TRMT11: variants seen among roughly 807,000 people sequenced by gnomAD.
The protein encoded by TRMT11 is tRNA methyltransferase 11.
In TRMT11, 53 loss-of-function variants were observed where a neutral mutation model predicts 62.8. The observed-to-expected ratio is 0.84, with a 90% confidence interval of 0.68 to 1.06. TRMT11 has a LOEUF of 1.06. Ranked by LOEUF, TRMT11 falls within the 50% of genes least tolerant of loss-of-function variation. The probability of loss-of-function intolerance (pLI) is 0.00; values close to 1 mark genes in which losing one functional copy is unlikely to be tolerated. For synonymous variants in TRMT11, 188 were observed against 190.3 expected (o/e 0.99, Z 0.10); for missense variants, 556 against 553.4 (o/e 1.00, Z -0.05).
intron 11 of TRMT11, among the ~76,000 whole-genome samples, chr6:126,017,911 C>T (rs540944959): frequency 1.1e-4 from 16 of 152,262 alleles, no homozygotes; most frequent in African/African-American, 3.6e-4. Context: ...GTCATAGGAG[C>T]CAGTGTGCTA....
At chr6:126,242,606 A>G in the TRMT11 span, among the ~76,000 whole-genome samples, 1 of 152,218 alleles carries the variant, frequency 6.6e-6, no homozygotes, top group East Asian at 1.9e-4. Context: ...ATGGAACAGA[A>G]CAGAGCCCTC....
At chr6:126,242,874 G>C in the TRMT11 span, among the ~76,000 whole-genome samples, 1 of 152,144 alleles carries the variant, frequency 6.6e-6, no homozygotes, top group Non-Finnish European at 1.5e-5. Flanking sequence ...ATAGGCATGG[G>C]CAAGGACTTC....
At chr6:126,159,231 A>T (rs1294613409) in intron 21 of TRMT11, among the ~76,000 whole-genome samples, 1 of 151,990 alleles carries the variant, frequency 6.6e-6, no homozygotes, top group African/African-American at 2.4e-5. Context: ...TGTCCCCTCC[A>T]AACTTTCTTT....
intron 17 of TRMT11, among the ~76,000 whole-genome samples, chr6:126,093,585 GTATATATATATA>G (rs56176946): frequency 0.054 from 2,534 of 46,672 alleles, 116 homozygotes; most frequent in African/African-American, 0.079. Flanking sequence ...GGATATGTAT[GTATATATATATA>G]TATATATATA....
chr6:126,027,459 T>C (rs1285063638), intron 12 of TRMT11, among the ~76,000 whole-genome samples: 2 of 152,218 alleles, frequency 1.3e-5, no homozygotes, highest in Non-Finnish European at 2.9e-5. Context: ...AAAAAATTAT[T>C]TTAAATTACT....
rs904686503 is a variant in TRMT11 at position 125,998,785 on chromosome 6, G to A, written c.522+101G>A. 3 of 1,114,138 alleles carry A rather than the reference G, an allele frequency of 2.7e-6. No homozygotes were observed. The African/African-American group carries it at 4.7e-5, about 18-fold the overall frequency. The allele number at this position is 1,114,138 out of a possible 1,614,324, so 69.0% of individuals were successfully genotyped here. On this transcript the variant is annotated intron_variant, in intron 6 of 12. Coordinates refer to ENST00000334379, the MANE Select transcript of TRMT11 (RefSeq NM_001031712.3). ...TGTAGAACTTTAAAGCAGCTGAAGAGTCAGAACTACTGAATGGATTAAAAT... is the reference window on the plus strand; with the variant it reads ...TGTAGAACTTTAAAGCAGCTGAAGAATCAGAACTACTGAATGGATTAAAAT...
At chr6:126,248,308 G>A in the TRMT11 span, among the ~76,000 whole-genome samples, 3 of 152,212 alleles carry the variant, frequency 2.0e-5, no homozygotes, top group Middle Eastern at 0.01. Context: ...ATGTAGCAGA[G>A]TATCTCTGTT....
intron 16 of TRMT11, among the ~76,000 whole-genome samples, chr6:126,050,924 G>A (rs1309440060): frequency 6.6e-6 from 1 of 152,138 alleles, no homozygotes; most frequent in African/African-American, 2.4e-5. Context: ...TCCCTACCTG[G>A]AAGAAGCTTG....
At chr6:126,208,647 TG>T (rs1778811017), downstream of TRMT11, among the ~76,000 whole-genome samples, 3 of 152,372 alleles carry the variant, frequency 2.0e-5, 1 homozygote, top group South Asian at 6.2e-4. Context: ...ATGTAGTTTA[TG>T]GGGTATGTTA....
intron 12 of TRMT11, among the ~76,000 whole-genome samples, chr6:126,030,590 A>T (rs1036884098): frequency 7.2e-5 from 11 of 152,242 alleles, no homozygotes; most frequent in African/African-American, 1.2e-4. Flanking sequence ...CTTATCATAG[A>T]ATAAATTTCA....
chr6:126,017,286 A>G (rs1189104777), intron 11 of TRMT11, among the ~76,000 whole-genome samples: 1 of 152,230 alleles, frequency 6.6e-6, no homozygotes, highest in African/African-American at 2.4e-5. Flanking sequence ...GTTACACATT[A>G]TAACCAAGTT....
downstream of TRMT11, among the ~76,000 whole-genome samples, chr6:126,043,203 CT>C (rs1182449108): frequency 2.0e-5 from 2 of 102,212 alleles, no homozygotes; most frequent in East Asian, 3.7e-4. Context: ...TCCCTCCCCC[CT>C]CCCCCCACCC....
chr6:126,248,271 G>A, the TRMT11 span, among the ~76,000 whole-genome samples: 1 of 152,022 alleles, frequency 6.6e-6, no homozygotes, highest in African/African-American at 2.4e-5. Flanking sequence ...ATGAAACAGA[G>A]TACTTAATAT....
intron 11 of TRMT11, among the ~76,000 whole-genome samples, chr6:126,016,264 G>C (rs1228300474): frequency 1.3e-5 from 2 of 152,124 alleles, no homozygotes; most frequent in African/African-American, 2.4e-5. Context: ...TAGTGGTATG[G>C]AGTCATGGAT....
At chr6:126,056,982 G>A (rs1456633007) in intron 17 of TRMT11, among the ~76,000 whole-genome samples, 1 of 152,152 alleles carries the variant, frequency 6.6e-6, no homozygotes, top group African/African-American at 2.4e-5. Context: ...TTATGGAAGG[G>A]ATCAATGTCC....
intron 11 of TRMT11, 42 bp downstream of exon 11, chr6:126,013,143 A>C (rs780622188): frequency 1.3e-6 from 2 of 1,555,232 alleles, no homozygotes. Flanking sequence ...TTTTTCTTAC[A>C]ATGTTTGCGT....
At chr6:126,228,662 T>C in the TRMT11 span, among the ~76,000 whole-genome samples, 1 of 152,174 alleles carries the variant, frequency 6.6e-6, no homozygotes, top group Non-Finnish European at 1.5e-5. Context: ...CTCCCACAGA[T>C]AATTGGGGGC....
At chr6:126,029,672 T>A (rs1296453810) in intron 12 of TRMT11, among the ~76,000 whole-genome samples, 1 of 152,192 alleles carries the variant, frequency 6.6e-6, no homozygotes, top group Admixed American at 6.5e-5. Context: ...ACTCATTTAT[T>A]GCTACTCAAG....
chr6:126,175,671 G>T (rs1484025220), upstream of TRMT11, among the ~76,000 whole-genome samples: 1 of 152,134 alleles, frequency 6.6e-6, no homozygotes. Context: ...CCTGAGGAAT[G>T]AACATACAGA....
Sources: gnomAD v4.1 joint callset for allele counts (sites outside exome capture counted in the v4.1 genomes callset) on GRCh38, gnomAD v4.1.1 for gene constraint, MANE v1.5 for transcripts, NCBI Gene and HGNC (gene_info 2026-07-23, HGNC 2026-07-21) for gene names.